IKBKB: variants seen among roughly 807,000 people sequenced by gnomAD.
IKBKB encodes the protein inhibitor of nuclear factor kappa B kinase subunit beta, also known as inhibitor of nuclear factor kappa-B kinase subunit beta.
Under a neutral mutation model 113.6 loss-of-function variants are expected in IKBKB, and 42 were observed. The observed-to-expected ratio is 0.37, with a 90% CI of 0.29 to 0.48. The LOEUF (loss-of-function observed/expected upper bound fraction) is 0.48, where lower values mean the gene tolerates loss of function less well. Ranked by LOEUF, IKBKB falls within the 20% of genes least tolerant of loss-of-function variation. The probability of loss-of-function intolerance (pLI) is 0.99; values close to 1 mark genes in which losing one functional copy is unlikely to be tolerated. For synonymous variants in IKBKB, 296 were observed against 361.3 expected (o/e 0.82, Z 2.05); for missense variants, 673 against 939.7 (o/e 0.72, Z 3.71).
In IKBKB at chr8:42,288,735, G is replaced by A. The variant is rs1811938991; in HGVS notation, c.200+7G>A. On this transcript the variant is annotated splice_region_variant and intron_variant, in intron 3 of 21. Transcript: ENST00000520810. ...AGATCCAGATCATGAGAAGGTGAGG[G>A]CCTCGCGCATAGGGACCCAAGGGAA... The A allele has an allele frequency of 6.3e-7, 1 of 1,592,464 alleles. No individual in the cohort carries two copies. The highest frequency in any genetic ancestry group is 8.6e-7 in the Non-Finnish European group (1 of 1,164,112).
At chr8:42,300,880 G>C (rs539065637) in intron 5 of IKBKB, among the ~76,000 whole-genome samples, 2 of 152,162 alleles carry the variant, frequency 1.3e-5, no homozygotes, top group South Asian at 4.1e-4. Context: ...CTAGAGGCAG[G>C]GTCTTGCTCT....
chr8:42,274,005 T>G (rs1250120559), intron 2 of IKBKB, among the ~76,000 whole-genome samples: 3 of 152,022 alleles, frequency 2.0e-5, no homozygotes, highest in Non-Finnish European at 4.4e-5. Context: ...GTCAAAATTC[T>G]TTCTTCTGGC....
At chr8:42,279,233 G>A (rs768518473) in intron 2 of IKBKB, among the ~76,000 whole-genome samples, 1 of 152,234 alleles carries the variant, frequency 6.6e-6, no homozygotes, top group South Asian at 2.1e-4. Flanking sequence ...CATTGTCCAA[G>A]TTCAGAAGAT....
rs1299921797 is a variant in IKBKB, at chr8:42,326,173, TG to T, written c.2114+78del. 2.6e-6 allele frequency: 4 copies of T among 1,551,400 alleles called. No individual in the cohort carries two copies. In the African/African-American group the frequency reaches 4.1e-5, roughly 16 times the overall value. ...GATCGGGGATGGAGGCGTTTGTCAC[TG>T]GTAAATGTCTGTCTGATGGTATTAC... On this transcript the variant is annotated intron_variant, in intron 20 of 21. Transcript: ENST00000520810.
intron 19 of IKBKB, among the ~76,000 whole-genome samples, chr8:42,324,295 C>T (rs1033553140): frequency 6.6e-6 from 1 of 152,084 alleles, no homozygotes; most frequent in Non-Finnish European, 1.5e-5. Context: ...GACAAAGTCT[C>T]GCTCTGTCCC....
intron 5 of IKBKB, among the ~76,000 whole-genome samples, chr8:42,299,102 C>T (rs1814569511): frequency 6.6e-6 from 1 of 152,164 alleles, no homozygotes; most frequent in African/African-American, 2.4e-5. Flanking sequence ...AAGTCAATTC[C>T]AGTAGAAGCT....
chr8:42,313,259 T>C (rs973552060), intron 8 of IKBKB, among the ~76,000 whole-genome samples: 1 of 152,154 alleles, frequency 6.6e-6, no homozygotes, highest in African/African-American at 2.4e-5. Context: ...CAGACTAGCC[T>C]AGGCAACATG....
chr8:42,329,576 C>T (rs1218980902), intron 21 of IKBKB: 1 of 943,946 alleles, frequency 1.1e-6, no homozygotes, highest in Non-Finnish European at 1.3e-6. Flanking sequence ...TGAAGGCTTA[C>T]AACTACATGT....
intron 19 of IKBKB, among the ~76,000 whole-genome samples, chr8:42,323,337 C>CA (rs1439532349): frequency 6.6e-6 from 1 of 152,244 alleles, no homozygotes; most frequent in African/African-American, 2.4e-5. Context: ...GCACTGCCCT[C>CA]AGTGCAGTAA....
At chr8:42,317,562 C>G in intron 11 of IKBKB, 95 bp from the exon 12 acceptor site, 1 of 824,746 alleles carries the variant, frequency 1.2e-6, no homozygotes, top group Admixed American at 2.0e-5. Flanking sequence ...GATGCTCTTG[C>G]TGAACAGTGG....
intron 3 of IKBKB, 74 bp downstream of exon 3, chr8:42,288,802 T>A: frequency 8.1e-7 from 1 of 1,241,056 alleles, no homozygotes; most frequent in Non-Finnish European, 1.1e-6. Context: ...AAGGAGAGTC[T>A]TGCTGGGTGC....
chr8:42,301,254 T>C (rs1337604208), intron 5 of IKBKB, among the ~76,000 whole-genome samples: 1 of 152,254 alleles, frequency 6.6e-6, no homozygotes, highest in Non-Finnish European at 1.5e-5. Context: ...GGTACAGTTT[T>C]ATGCTTTGTG....
intron 2 of IKBKB, among the ~76,000 whole-genome samples, chr8:42,285,461 G>A (rs1050791115): frequency 1.3e-5 from 2 of 152,140 alleles, no homozygotes; most frequent in Non-Finnish European, 2.9e-5. Flanking sequence ...AAGCTGAGGT[G>A]GGAGGATCGC....
rs551098063 is a variant in IKBKB at position 42,322,117 on chromosome 8, T to C, written c.1802T>C (p.Phe601Ser). ...VRLLLQAIQS[F>S]EKKVRVIYTQ... ...CTGCTGCTTCAGGCAATTCAGAGCTTCGAGAAGAAAGTGCGAGTGATCTAT... is the reference window on the plus strand; with the variant it reads ...CTGCTGCTTCAGGCAATTCAGAGCTCCGAGAAGAAAGTGCGAGTGATCTAT... Residue 601 changes from phenylalanine (F) to serine (S), a missense_variant, in exon 18 of 22, where the codon TTC becomes TCC. Physicochemically the swap from Phe to Ser is radical, Grantham distance 155. Coordinates refer to ENST00000520810, the MANE Select transcript of IKBKB (RefSeq NM_001556.3). 1 of 1,613,866 alleles carries C rather than the reference T, an allele frequency of 6.2e-7. No individual in the cohort carries two copies. The highest frequency in any genetic ancestry group is 8.5e-7 in the Non-Finnish European group (1 of 1,179,960).
chr8:42,316,588 A>G lies in IKBKB; in HGVS notation c.931-122A>G. The stretch of plus-strand genomic sequence containing the variant: ...CATGGCACATGACCTCCCTCCCTCA[A>G]GCTAGGCCCTTGCTTTGTGTGGTTG... On this transcript the variant is annotated intron_variant, in intron 10 of 21. Transcript: ENST00000520810. This position sits in a 1 kb window ranked among gnomAD's most constrained non-coding sequence, Gnocchi z 4.5. The G allele has an allele frequency of 9.9e-7, 1 of 1,012,808 alleles. No individual in the cohort carries two copies. Among genetic ancestry groups the G allele is most frequent in the Non-Finnish European group, 1.4e-6 (1 of 696,802 alleles). The allele number at this position is 1,012,808 out of a possible 1,614,324, so 62.7% of individuals were successfully genotyped here.
chr8:42,311,991 A>G (rs2130595565), intron 8 of IKBKB, among the ~76,000 whole-genome samples: 1 of 152,128 alleles, frequency 6.6e-6, no homozygotes, highest in South Asian at 2.1e-4. Context: ...GGTTCATGCC[A>G]TTCTCCTGCC....
chr8:42,292,840 C>T (rs527402221), intron 4 of IKBKB, among the ~76,000 whole-genome samples: 22 of 152,282 alleles, frequency 1.4e-4, no homozygotes, highest in African/African-American at 2.6e-4. Flanking sequence ...GACAGGTATC[C>T]GACCGTGTAA....
intron 12 of IKBKB, 131 bp downstream of exon 12, chr8:42,317,902 C>T: frequency 1.5e-6 from 1 of 687,290 alleles, no homozygotes; most frequent in South Asian, 1.7e-5. Flanking sequence ...CTCAGGGCAG[C>T]CTTCCTTATT....
chr8:42,328,919 C>G (rs1585839815), intron 20 of IKBKB, among the ~76,000 whole-genome samples: 2 of 152,112 alleles, frequency 1.3e-5, no homozygotes, highest in East Asian at 3.8e-4. Flanking sequence ...GCATTTTGGA[C>G]AGTAACGCTC....
Sources: gnomAD v4.1 joint callset for allele counts (sites outside exome capture counted in the v4.1 genomes callset) on GRCh38, gnomAD v4.1.1 for gene constraint, Gnocchi (gnomAD v3.1) non-coding constraint, MANE v1.5 for transcripts, NCBI Gene and HGNC (gene_info 2026-07-23, HGNC 2026-07-21) for gene names.